VPS13C: variants seen among roughly 807,000 people sequenced by gnomAD.
VPS13C encodes the protein intermembrane lipid transfer protein VPS13C.
Under a neutral mutation model 456.8 loss-of-function variants are expected in VPS13C, and 358 were observed. The ratio of observed to expected loss-of-function variants is 0.78; its 90% confidence interval spans 0.72 to 0.86. The LOEUF (loss-of-function observed/expected upper bound fraction) is 0.86. Among genes scored for constraint, VPS13C ranks in the 40% least tolerant of loss-of-function variants. The pLI is 0.00. For missense variants in VPS13C, 4,818 were observed against 4,385.4 expected (o/e 1.10, Z -2.79); for synonymous variants, 1,578 against 1,486.7 (o/e 1.06, Z -1.41).
chr15:61,999,085 A>C (rs2046500344), intron 16 of VPS13C, among the ~76,000 whole-genome samples: 1 of 152,140 alleles, frequency 6.6e-6, no homozygotes, highest in Non-Finnish European at 1.5e-5. Flanking sequence ...GAAGAATCTA[A>C]AGTTATACAC....
chr15:61,901,427 C>G (rs932397003), intron 66 of VPS13C, among the ~76,000 whole-genome samples: 13 of 151,922 alleles, frequency 8.6e-5, no homozygotes, highest in South Asian at 4.2e-4. Context: ...AAAAAACAAA[C>G]AACCCCATCA....
intron 79 of VPS13C, among the ~76,000 whole-genome samples, chr15:61,870,383 T>C (rs1324048360): frequency 6.6e-6 from 1 of 152,166 alleles, no homozygotes; most frequent in Non-Finnish European, 1.5e-5. Flanking sequence ...TTATGTAATA[T>C]GTGGTGTACT....
At chr15:62,002,401 TA>T (rs2046657700) in intron 15 of VPS13C, among the ~76,000 whole-genome samples, 1 of 152,208 alleles carries the variant, frequency 6.6e-6, no homozygotes, top group African/African-American at 2.4e-5. Context: ...TTGAGTTCAT[TA>T]TAGATTCTGG....
chr15:61,978,680 A>G lies in VPS13C; in HGVS notation c.2236T>C (p.Tyr746His), dbSNP rs760735490. Residue 746 changes from tyrosine to histidine, a missense_variant, in exon 23 of 85, where the codon TAT becomes CAT. Around this residue, in one of 3 missense-constraint regions of VPS13C, gnomAD observed 4,552 missense variants for 4,130.6 expected, o/e 1.10. Coordinates refer to ENST00000644861, the MANE Select transcript of VPS13C (RefSeq NM_020821.3). ...SSLEEIMDKA[Y>H]DKFDVEIKNV... ...TTTATTTCAACATCAAACTTGTCAT[A>G]TGCCTTATCCATTATTTCTTCCAGA... is the stretch of plus-strand genomic sequence containing the variant. 11 of 1,612,942 alleles carry G rather than the reference A, an allele frequency of 6.8e-6. No homozygotes were observed. The East Asian group carries it at 1.3e-4, about 20-fold the overall frequency.
At chr15:61,981,236 C>G in intron 22 of VPS13C, 106 bp downstream of exon 22, 2 of 1,284,280 alleles carry the variant, frequency 1.6e-6, no homozygotes, top group Non-Finnish European at 2.1e-6. Flanking sequence ...AAAAATAAGT[C>G]TACATTTAGT....
chr15:61,912,141 C>G, intron 62 of VPS13C, 137 bp from the exon 63 acceptor site: 1 of 818,394 alleles, frequency 1.2e-6, no homozygotes, highest in African/African-American at 1.8e-5. Context: ...AAGTTACATT[C>G]TGCAAAAGAT....
chr15:61,973,530 T>C lies in VPS13C; in HGVS notation c.2541A>G (p.Val847=). ...KSSAQSPERQ[V]SSIPIISGGT... ...CACCTGAAATAATAGGAATTGAGGATACCTAGCAAAGAATACAAAAAGTTT... is the reference window on the plus strand; with the variant it reads ...CACCTGAAATAATAGGAATTGAGGACACCTAGCAAAGAATACAAAAAGTTT... The change falls in exon 26 of 85, where the codon GTA becomes GTG. Residue 847 remains valine (V), a splice_region_variant and synonymous_variant. Coordinates refer to ENST00000644861, the MANE Select transcript of VPS13C (RefSeq NM_020821.3). The C allele has an allele frequency of 1.9e-6, 3 of 1,611,726 alleles. No individual in the cohort carries two copies. Among genetic ancestry groups the C allele is most frequent in the Non-Finnish European group, 2.5e-6 (3 of 1,178,258 alleles).
intron 13 of VPS13C, 51 bp downstream of exon 13, chr15:62,010,421 C>T (rs753555012): frequency 6.9e-7 from 1 of 1,456,164 alleles, no homozygotes; most frequent in South Asian, 1.6e-5. Context: ...CAAATAAAAG[C>T]AGTCAAGATT....
At chr15:61,953,214 A>G (rs2044864356) in intron 38 of VPS13C, among the ~76,000 whole-genome samples, 1 of 151,790 alleles carries the variant, frequency 6.6e-6, no homozygotes, top group Admixed American at 6.6e-5. Context: ...CTTTTCTCAG[A>G]CAATTTTTTT....
intron 16 of VPS13C, among the ~76,000 whole-genome samples, chr15:61,997,384 G>C (rs374149300): frequency 1.3e-5 from 2 of 152,026 alleles, no homozygotes; most frequent in South Asian, 4.1e-4. Flanking sequence ...TAATTCCTGA[G>C]GTGATCTCAT....
At chr15:61,891,473 A>T (rs962522089) in intron 66 of VPS13C, among the ~76,000 whole-genome samples, 1 of 152,238 alleles carries the variant, frequency 6.6e-6, no homozygotes, top group Non-Finnish European at 1.5e-5. Context: ...ATTTTCAAAC[A>T]TACCTATTAA....
Position 62,037,675 on chromosome 15 carries a change from T to C in VPS13C, c.188-2623A>G, listed in dbSNP as rs143302047. Among the ~76,000 whole-genome samples, 24 of 145,276 alleles carry C rather than the reference T, an allele frequency of 1.7e-4. No homozygotes were observed. The East Asian group carries it at 4.8e-3, about 29-fold the overall frequency. ...CATCTCCCATAGCACTTGCATAGTCTTGTACGTAACATGTGCATAAATATT... is the reference window on the plus strand; with the variant it reads ...CATCTCCCATAGCACTTGCATAGTCCTGTACGTAACATGTGCATAAATATT... On this transcript the variant is annotated intron_variant, in intron 3 of 84. Transcript: ENST00000644861.
rs1421423492 is a variant in VPS13C at position 61,963,934 on chromosome 15, C to T, written c.3232G>A (p.Asp1078Asn). 6.2e-7 allele frequency: 1 copy of T among 1,606,752 alleles called. No homozygotes were observed. Among genetic ancestry groups the T allele is most frequent in the Admixed American group, 1.7e-5 (1 of 59,780 alleles). Residue 1078 changes from aspartate to asparagine, a missense_variant, in exon 32 of 85, where the codon GAT (aspartate) becomes AAT (asparagine). Asp to Asn is a conservative substitution (Grantham distance 23, BLOSUM62 1). Around this residue, in one of 3 missense-constraint regions of VPS13C, gnomAD observed 4,552 missense variants for 4,130.6 expected, o/e 1.10. Coordinates refer to ENST00000644861, the MANE Select transcript of VPS13C (RefSeq NM_020821.3). ...AGCCTGAAATCAATAATGTCACTAT[C>T]TCTGGAGGATACAATCGCTAAAAAT... ...TLPKAIVSSR[D>N]SDIIDFRLFA...
At chr15:62,020,574 G>A in intron 8 of VPS13C, 36 bp from the exon 9 acceptor site, 1 of 1,598,090 alleles carries the variant, frequency 6.3e-7, no homozygotes, top group Non-Finnish European at 8.6e-7. Context: ...AAAATATGCT[G>A]ATGGTGAAGG....
intron 81 of VPS13C, chr15:61,865,768 G>T: frequency 1.5e-6 from 1 of 679,228 alleles, no homozygotes; most frequent in Non-Finnish European, 1.8e-6. Flanking sequence ...ATATGTACGT[G>T]TGTATATATG....
At chr15:62,052,408 A>G (rs11071650) in intron 1 of VPS13C, among the ~76,000 whole-genome samples, 83,688 of 151,836 alleles carry the variant, frequency 0.55, 23,371 homozygotes, top group Admixed American at 0.63. Context: ...TGGTGCGGTG[A>G]CTCACGCCTG....
chr15:61,992,652 G>T (rs2046259081), intron 16 of VPS13C, among the ~76,000 whole-genome samples: 1 of 152,146 alleles, frequency 6.6e-6, no homozygotes, highest in Non-Finnish European at 1.5e-5. Flanking sequence ...TTTGTCACAA[G>T]CTAGGGATGA....
chr15:61,942,707 CAG>C (rs941316522), intron 45 of VPS13C, among the ~76,000 whole-genome samples: 2 of 152,054 alleles, frequency 1.3e-5, no homozygotes, highest in African/African-American at 4.8e-5. Flanking sequence ...AGATCATTCT[CAG>C]AAGCAATATT....
At chr15:61,892,360 C>A (rs2042678684) in intron 66 of VPS13C, among the ~76,000 whole-genome samples, 1 of 152,142 alleles carries the variant, frequency 6.6e-6, no homozygotes, top group African/African-American at 2.4e-5. Context: ...CTTTGAGATG[C>A]AACCCCTTCC....
Sources: allele counts gnomAD v4.1 joint callset (sites outside exome capture counted in the v4.1 genomes callset), GRCh38; gene constraint gnomAD v4.1.1; regional missense constraint gnomAD v4.1.1; transcripts MANE v1.5; gene names NCBI Gene and HGNC (gene_info 2026-07-23, HGNC 2026-07-21).